TRIM41: variants seen among roughly 807,000 people sequenced by gnomAD.
The protein encoded by TRIM41 is tripartite motif containing 41, also known as E3 ubiquitin-protein ligase TRIM41.
A neutral mutation model predicts 60.6 loss-of-function variants in TRIM41; 21 were observed. The ratio of observed to expected loss-of-function variants is 0.35; its 90% CI spans 0.25 to 0.50. The LOEUF (loss-of-function observed/expected upper bound fraction) is 0.50. Ranked by LOEUF, TRIM41 falls within the 20% of genes least tolerant of loss-of-function variation. The probability of loss-of-function intolerance (pLI) is 0.98; values close to 1 mark genes in which losing one functional copy is unlikely to be tolerated. For missense variants in TRIM41, 846 were observed against 868.3 expected (o/e 0.97, Z 0.32); for synonymous variants, 407 against 344.9 (o/e 1.18, Z -2.00).
In TRIM41 at chr5:181,235,430, C is replaced by G. The variant is rs755975352; in HGVS notation, c.*655C>G. 1 of 1,613,186 alleles carries G rather than the reference C, an allele frequency of 6.2e-7. No individual in the cohort carries two copies. The highest frequency in any genetic ancestry group is 2.2e-5 in the East Asian group (1 of 44,880). On this transcript the variant is annotated 3_prime_UTR_variant, in exon 6 of 6. Coordinates refer to ENST00000315073, the MANE Select transcript of TRIM41 (RefSeq NM_033549.5). ...TTGAAACCACGCACCATTACATCAT[C>G]ATTACATTAATTACATCAACATAAA... is the stretch of plus-strand genomic sequence containing the variant.
Position 181,235,321 on chromosome 5 carries a change from C to G in TRIM41, c.*546C>G. The G allele has an allele frequency of 6.2e-7, 1 of 1,614,146 alleles. No individual in the cohort carries two copies. Among genetic ancestry groups the G allele is most frequent in the South Asian group, 1.1e-5 (1 of 91,072 alleles). On this transcript the variant is annotated 3_prime_UTR_variant, in exon 6 of 6. Coordinates refer to ENST00000315073, the MANE Select transcript of TRIM41 (RefSeq NM_033549.5). ...TCTCCTGGGGAGGAGGGATTCTAAA[C>G]TTTCCTTCCGTCCTCAATTTCTACC...
In TRIM41 at chr5:181,233,241, G is replaced by GC. The variant is rs1387180070; in HGVS notation, c.1141-171dup. On this transcript the variant is annotated intron_variant, in intron 3 of 5. Coordinates refer to ENST00000315073, the MANE Select transcript of TRIM41 (RefSeq NM_033549.5). This position sits in a 1 kb window ranked among gnomAD's most constrained non-coding sequence, Gnocchi z 4.1. ...GATGAGGCGAGTTAGGTATGGCGAG[G>GC]CATGGGGTGGTTGAAATGGATGTGT... 2 of 785,932 alleles carry GC rather than the reference G, an allele frequency of 2.5e-6. No homozygotes were observed. Among genetic ancestry groups the GC allele is most frequent in the African/African-American group, 3.4e-5 (2 of 59,252 alleles). The allele number at this position is 785,932 out of a possible 1,614,324, so 48.7% of individuals were successfully genotyped here.
At position 181,234,863 on chromosome 5, in the gene TRIM41, C is replaced by CT; in HGVS notation, c.*90dup. ...CCGTAAGTTTGAGGGCTCAAAGGCTCTTCCCACTGCTTGTTACTGTGTTGC... is the reference window on the plus strand; with the variant it reads ...CCGTAAGTTTGAGGGCTCAAAGGCTCTTTCCCACTGCTTGTTACTGTGTTGC... On this transcript the variant is annotated 3_prime_UTR_variant, in exon 6 of 6. Coordinates refer to ENST00000315073, the MANE Select transcript of TRIM41 (RefSeq NM_033549.5). This position sits in a 1 kb window ranked among gnomAD's most constrained non-coding sequence, Gnocchi z 5.6. 6.2e-7 allele frequency: 1 copy of CT among 1,610,810 alleles called. No individual in the cohort carries two copies. The highest frequency in any genetic ancestry group is 1.7e-5 in the Admixed American group (1 of 59,902).
rs747087021 is a variant in TRIM41 at position 181,224,296 on chromosome 5, C to G, written c.297C>G (p.Val99=). 6.8e-6 allele frequency: 11 copies of G among 1,613,674 alleles called. No homozygotes were observed. The highest frequency in any genetic ancestry group is 8.5e-6 in the Non-Finnish European group (10 of 1,179,942). The change falls in exon 1 of 6, where the codon GTC becomes GTG. Residue 99 remains valine, a synonymous_variant. Coordinates refer to ENST00000315073, the MANE Select transcript of TRIM41 (RefSeq NM_033549.5). ...ACGAGGGTGACATGGAGGAGGAGGT[C>G]GAGGAGGAAGAAGAGGGTGTGTTCT... The part of the protein sequence containing the change: ...EDYEGDMEEE[V]EEEEEGVFWT...
rs201990685 is a variant in TRIM41, at chr5:181,233,459, C to T, written c.1163+24C>T. The stretch of plus-strand genomic sequence containing the variant: ...AGGTGTGTTCCCAGTCTTTGCCCTT[C>T]GTGACCCAGTGGCATCTGGTTCCCT... On this transcript the variant is annotated intron_variant, in intron 4 of 5. Coordinates refer to ENST00000315073, the MANE Select transcript of TRIM41 (RefSeq NM_033549.5). The surrounding 1 kb of genome is among the most constrained non-coding windows in gnomAD (Gnocchi z 4.1). 63 of 1,614,132 alleles carry T rather than the reference C, an allele frequency of 3.9e-5. No homozygotes were observed. Among genetic ancestry groups the T allele is most frequent in the South Asian group, 1.2e-4 (11 of 91,078 alleles).
rs898330447 is a variant in TRIM41, at chr5:181,232,883, G to A, written c.1134G>A (p.Leu378=). Residue 378 remains leucine (L), a synonymous_variant, in exon 3 of 6, where the codon CTG becomes CTA. Transcript: ENST00000315073. Reference sequence around the variant, plus strand: ...GGAGCCAGCAGGGGGGTCTCCGGCTGCTCCAGGTGAGCAATGTCCCCTCCC... The same window carrying A: ...GGAGCCAGCAGGGGGGTCTCCGGCTACTCCAGGTGAGCAATGTCCCCTCCC... ...QERSQQGGLR[L]LQDIKETFNR... The A allele has an allele frequency of 8.4e-6, 13 of 1,539,840 alleles. No homozygotes were observed. The highest frequency in any genetic ancestry group is 1.0e-5 in the Non-Finnish European group (12 of 1,147,134).
Position 181,223,863 on chromosome 5 carries a change from ATC to A in TRIM41, c.-131_-130del, listed in dbSNP as rs1193492934. 29 of 838,898 alleles carry A rather than the reference ATC, an allele frequency of 3.5e-5. No homozygotes were observed. The East Asian group carries it at 6.9e-4, about 20-fold the overall frequency. The allele number at this position is 838,898 out of a possible 1,614,324, so 52.0% of individuals were successfully genotyped here. On this transcript the variant is annotated 5_prime_UTR_variant, in exon 1 of 6. Coordinates refer to ENST00000315073, the MANE Select transcript of TRIM41 (RefSeq NM_033549.5). ...TGTTGGGGTGGGTTGTCGGCAGGAC[ATC>A]TCTCTGGCTGCTCTTGGGGCGAGGT...
In TRIM41 at chr5:181,233,200, C is replaced by G; in HGVS notation, c.1141-213C>G. 1 of 723,422 alleles carries G rather than the reference C, an allele frequency of 1.4e-6. No individual in the cohort carries two copies. The highest frequency in any genetic ancestry group is 2.5e-6 in the Non-Finnish European group (1 of 399,590). The allele number at this position is 723,422 out of a possible 1,614,324, so 44.8% of individuals were successfully genotyped here. A position where few individuals can be genotyped will look rare whatever the true frequency, so the allele number is the denominator to read the frequency against. Reference sequence around the variant, plus strand: ...GTCGTATTGTGGAAATGACAGTATCCCTGGGCTCACAGCAGGATGAGGCGA... The same window carrying G: ...GTCGTATTGTGGAAATGACAGTATCGCTGGGCTCACAGCAGGATGAGGCGA... On this transcript the variant is annotated intron_variant, in intron 3 of 5. Transcript: ENST00000315073. This position sits in a 1 kb window ranked among gnomAD's most constrained non-coding sequence, Gnocchi z 4.1.
rs762221386 is a variant in TRIM41 at position 181,235,356 on chromosome 5, C to T, written c.*581C>T. On this transcript the variant is annotated 3_prime_UTR_variant, in exon 6 of 6. Transcript: ENST00000315073. ...GTCCTCAATTTCTACCTCCATAGAC[C>T]GGCCAGAATTTAGCTTCACTTGAGA... 47 of 1,614,040 alleles carry T rather than the reference C, an allele frequency of 2.9e-5. No individual in the cohort carries two copies. Among genetic ancestry groups the T allele is most frequent in the East Asian group, 4.5e-5 (2 of 44,900 alleles).
In TRIM41 at chr5:181,233,353, C is replaced by T. The variant is rs1240777935; in HGVS notation, c.1141-60C>T. On this transcript the variant is annotated intron_variant, in intron 3 of 5. Transcript: ENST00000315073. This position sits in a 1 kb window ranked among gnomAD's most constrained non-coding sequence, Gnocchi z 4.1. ...GAGATCGGGGAACGCTGTCCCTGTG[C>T]AGCTGACACTCTCTTTATCTCTTTC... 6.4e-7 allele frequency: 1 copy of T among 1,550,414 alleles called. No individual in the cohort carries two copies. The highest frequency in any genetic ancestry group is 1.4e-5 in the African/African-American group (1 of 73,190).
chr5:181,228,515 G>A (rs1367440408), intron 1 of TRIM41: 1 of 130,110 alleles, frequency 7.7e-6, no homozygotes, highest in Admixed American at 8.9e-5. Flanking sequence ...CCAAGATTGT[G>A]CTACTGCATT....
rs751369045 is a variant in TRIM41, at chr5:181,224,826, A to G, written c.813+14A>G. 6.2e-7 allele frequency: 1 copy of G among 1,614,138 alleles called. No individual in the cohort carries two copies. The highest frequency in any genetic ancestry group is 1.3e-5 in the African/African-American group (1 of 75,072). On this transcript the variant is annotated intron_variant, in intron 1 of 5. Transcript: ENST00000315073. Reference sequence around the variant, plus strand: ...CAGGAGTACAAGGTGAGAGAAGTACAGAGAGAAGATGGGAGTTTAGTGGGG... The same window carrying G: ...CAGGAGTACAAGGTGAGAGAAGTACGGAGAGAAGATGGGAGTTTAGTGGGG...
rs1309282982 is a variant in TRIM41, at chr5:181,224,786, T to C, written c.787T>C (p.Leu263=). ...CCACAAACAGCACAGCGTGGTGCCA[T>C]TGGAGGAGGTGGTGCAGGAGTACAA... The part of the protein sequence containing the change: ...RSHKQHSVVP[L]EEVVQEYKAK... The change falls in exon 1 of 6, where the codon TTG becomes CTG. Residue 263 remains leucine, a synonymous_variant. Transcript: ENST00000315073. 1.2e-6 allele frequency: 2 copies of C among 1,613,664 alleles called. No individual in the cohort carries two copies. Among genetic ancestry groups the C allele is most frequent in the African/African-American group, 2.7e-5 (2 of 74,802 alleles).
In TRIM41 at chr5:181,234,095, G is replaced by A; in HGVS notation, c.1292-79G>A. ...GGGAGCTGGATTCAGGGAGAAAGGG[G>A]GCCCAATCTGTGGAGTTGGCTGCTG... On this transcript the variant is annotated intron_variant, in intron 5 of 5. Coordinates refer to ENST00000315073, the MANE Select transcript of TRIM41 (RefSeq NM_033549.5). This position sits in a 1 kb window ranked among gnomAD's most constrained non-coding sequence, Gnocchi z 5.6. 3 of 1,596,684 alleles carry A rather than the reference G, an allele frequency of 1.9e-6. No individual in the cohort carries two copies. Among genetic ancestry groups the A allele is most frequent in the Non-Finnish European group, 1.7e-6 (2 of 1,177,716 alleles).
In TRIM41 at chr5:181,234,412, G is replaced by A. The variant is rs1338262814; in HGVS notation, c.1530G>A (p.Lys510=). 1 of 1,574,488 alleles carries A rather than the reference G, an allele frequency of 6.4e-7. No individual in the cohort carries two copies. Among genetic ancestry groups the A allele is most frequent in the Admixed American group, 1.9e-5 (1 of 53,558 alleles). ...VGAARESTHH[K]EKVGPGGSSV... is the part of the protein sequence containing the mutation. ...CTGCCCGTGAATCAACCCATCATAA[G>A]GAAAAGGTGGGCCCTGGGGGTTCCT... The change falls in exon 6 of 6, where the codon AAG becomes AAA. Residue 510 remains lysine, a synonymous_variant. Transcript: ENST00000315073. The surrounding 1 kb of genome is among the most constrained non-coding windows in gnomAD (Gnocchi z 5.6).
In TRIM41 at chr5:181,234,560, C is replaced by G. The variant is rs201378433; in HGVS notation, c.1678C>G (p.Gln560Glu). ...CGTGGGCACCAACGGCAAACGCTATCAGGCCCAGAGCTCCACAGAACAGAC... is the reference window on the plus strand; with the variant it reads ...CGTGGGCACCAACGGCAAACGCTATGAGGCCCAGAGCTCCACAGAACAGAC... ...WCVGTNGKRY[Q>E]AQSSTEQTLL... The change falls in exon 6 of 6, where the codon CAG becomes GAG. Residue 560 changes from glutamine (Q) to glutamate (E), a missense_variant. Transcript: ENST00000315073. This position sits in a 1 kb window ranked among gnomAD's most constrained non-coding sequence, Gnocchi z 5.6. 7.4e-5 allele frequency: 120 copies of G among 1,614,232 alleles called. 4 individuals are homozygous for G. The South Asian group carries it at 1.3e-3, about 17-fold the overall frequency.
rs77567667 is a variant in TRIM41 at position 181,233,683 on chromosome 5, C to T, written c.1211C>T (p.Pro404Leu). 5.6e-4 allele frequency: 903 copies of T among 1,614,160 alleles called. 3 individuals are homozygous for T. In the East Asian group the frequency reaches 8.2e-3, roughly 15 times the overall value. Reference protein sequence around the residue: ...LQPPEVWSPDPCQPHSHDFLT... With the variant: ...LQPPEVWSPDLCQPHSHDFLT... ...CCCCCAGAGGTCTGGTCCCCTGACC[C>T]GTGCCAACCCCATAGCCATGACTTC... is the stretch of plus-strand genomic sequence containing the variant. The change falls in exon 5 of 6, where the codon CCG (proline) becomes CTG (leucine). Residue 404 changes from proline to leucine, a missense_variant. Pro to Leu is a moderately conservative substitution (Grantham distance 98, BLOSUM62 -3). Transcript: ENST00000315073. This position sits in a 1 kb window ranked among gnomAD's most constrained non-coding sequence, Gnocchi z 4.1.
Position 181,224,776 on chromosome 5 carries a change from C to G in TRIM41, c.777C>G (p.Ser259Arg). ...AATCCAGGAGCCACAAACAGCACAG[C>G]GTGGTGCCATTGGAGGAGGTGGTGC... is the stretch of plus-strand genomic sequence containing the variant. Reference protein sequence around the residue: ...CRESRSHKQHSVVPLEEVVQE... With the variant: ...CRESRSHKQHRVVPLEEVVQE... The change falls in exon 1 of 6, where the codon AGC (serine) becomes AGG (arginine). Residue 259 changes from serine to arginine, a missense_variant. By Grantham distance (110) the Ser-to-Arg change is moderately radical. Coordinates refer to ENST00000315073, the MANE Select transcript of TRIM41 (RefSeq NM_033549.5). The G allele has an allele frequency of 6.2e-7, 1 of 1,614,138 alleles. No individual in the cohort carries two copies. The highest frequency in any genetic ancestry group is 8.5e-7 in the Non-Finnish European group (1 of 1,180,016).
chr5:181,232,260 T>A (rs765649868), intron 2 of TRIM41: 24 of 201,184 alleles, frequency 1.2e-4, no homozygotes, highest in Non-Finnish European at 1.6e-4. Flanking sequence ...GGGGAAAGGA[T>A]GTTAACAGTT....
Sources: gnomAD v4.1 joint callset for allele counts on GRCh38, gnomAD v4.1.1 for gene constraint, Gnocchi (gnomAD v3.1) non-coding constraint, MANE v1.5 for transcripts, NCBI Gene and HGNC (gene_info 2026-07-23, HGNC 2026-07-21) for gene names.